SLC41A2: variants seen among roughly 807,000 people sequenced by gnomAD.
SLC41A2 encodes the protein SLC41A1-like 1.
Under a neutral mutation model 58.3 loss-of-function variants are expected in SLC41A2, and 32 were observed. The ratio of observed to expected loss-of-function variants is 0.55; its 90% CI spans 0.41 to 0.74. The LOEUF is 0.74. SLC41A2 is among the 30% of genes least tolerant of loss of function. The probability of loss-of-function intolerance (pLI) is 0.00; values close to 1 mark genes in which losing one functional copy is unlikely to be tolerated. For missense variants in SLC41A2, 514 were observed against 680.6 expected, an observed-to-expected ratio of 0.76 and a Z score of 2.72; for synonymous variants, 190 against 235.0, an observed-to-expected ratio of 0.81 and a Z score of 1.75.
At chr12:104,844,658 A>G in intron 9 of SLC41A2, 38 bp from the exon 10 acceptor site, 3 of 1,257,136 alleles carry the variant, frequency 2.4e-6, no homozygotes, top group Non-Finnish European at 2.1e-6. Context: ...AAACAAAATT[A>G]TATTTTGGTT....
Position 104,928,572 on chromosome 12 carries a change from G to T in SLC41A2, c.-45C>A. 3.9e-6 allele frequency: 5 copies of T among 1,277,040 alleles called. No individual in the cohort carries two copies. Among genetic ancestry groups the T allele is most frequent in the Non-Finnish European group, 5.2e-6 (5 of 961,446 alleles). The allele number at this position is 1,277,040 out of a possible 1,614,324, so 79.1% of individuals were successfully genotyped here. A position where few individuals can be genotyped will look rare whatever the true frequency, so the allele number is the denominator to read the frequency against. Reference sequence around the variant, plus strand: ...CTGTACTCCTTAGATCTCAAGCTTCGGGAACCACAGCAGATGAATCAGAAC... The same window carrying T: ...CTGTACTCCTTAGATCTCAAGCTTCTGGAACCACAGCAGATGAATCAGAAC... On this transcript the variant is annotated 5_prime_UTR_variant, in exon 2 of 11. Transcript: ENST00000258538.
At chr12:104,876,794 A>C (rs777119633) in intron 6 of SLC41A2, among the ~76,000 whole-genome samples, 11 of 152,216 alleles carry the variant, frequency 7.2e-5, no homozygotes, top group Admixed American at 3.9e-4. Flanking sequence ...TGCTAGATTC[A>C]TTTGGTCTAA....
Position 104,868,900 on chromosome 12 carries a change from C to T in SLC41A2, c.1028-2321G>A, listed in dbSNP as rs141424035. ...ATGCCAGACTCAAAAGGTCACATATCAAATGATTACTTTTACATACAAGCC... is the reference window on the plus strand; with the variant it reads ...ATGCCAGACTCAAAAGGTCACATATTAAATGATTACTTTTACATACAAGCC... On this transcript the variant is annotated intron_variant, in intron 6 of 10. Coordinates refer to ENST00000258538, the MANE Select transcript of SLC41A2 (RefSeq NM_001352171.3). Among the ~76,000 whole-genome samples, 221 of 152,058 alleles carry T rather than the reference C, an allele frequency of 1.5e-3. 1 individual carries two copies. The highest frequency in any genetic ancestry group is 5.1e-3 in the African/African-American group (211 of 41,454).
intron 8 of SLC41A2, 35 bp downstream of exon 8, chr12:104,861,256 T>C (rs374531137): frequency 7.6e-5 from 112 of 1,464,662 alleles, no homozygotes; most frequent in Non-Finnish European, 1.0e-4. Context: ...TACGAAGATT[T>C]GATATTATCA....
chr12:104,847,821 C>G (rs979200032), intron 8 of SLC41A2, among the ~76,000 whole-genome samples: 14 of 152,064 alleles, frequency 9.2e-5, no homozygotes, highest in Non-Finnish European at 2.1e-4. Context: ...AGAATAGCAT[C>G]ATTCAATGTC....
At chr12:104,860,813 G>A (rs540487304) in intron 8 of SLC41A2, among the ~76,000 whole-genome samples, 4 of 151,960 alleles carry the variant, frequency 2.6e-5, no homozygotes, top group African/African-American at 4.8e-5. Context: ...AACCTCAAGC[G>A]ACCCTCCTAC....
intron 1 of SLC41A2, among the ~76,000 whole-genome samples, chr12:104,942,854 C>T (rs542560138): frequency 2.6e-5 from 4 of 152,242 alleles, no homozygotes; most frequent in East Asian, 1.9e-4. Flanking sequence ...AATACCTACA[C>T]GAAATAATGA....
In SLC41A2 at chr12:104,892,305, ATAAAATAAAATAAAATAAAAT is replaced by A. The variant is rs1291982366; in HGVS notation, c.735+2948_735+2968del. 1.0e-3 allele frequency among the ~76,000 whole-genome samples: 145 copies of A among 138,568 alleles called. 10 individuals are homozygous for A. The highest frequency in any genetic ancestry group is 3.9e-3 in the African/African-American group (128 of 32,950). The allele number at this position is 138,568 out of a possible 152,430, so 90.9% of individuals were successfully genotyped here. ...AACAAGACCTCATCTCAAAAAAAAA[ATAAAATAAAATAAAATAAAAT>A]AAAATAAAATATTGATGCAAGAAAT... On this transcript the variant is annotated intron_variant, in intron 4 of 10. Transcript: ENST00000258538.
chr12:104,861,459 A>G, intron 7 of SLC41A2, 89 bp from the exon 8 acceptor site: 3 of 667,100 alleles, frequency 4.5e-6, no homozygotes, highest in Non-Finnish European at 7.3e-6. Context: ...CTCCTTTTTA[A>G]AATAAAATAT....
Position 104,928,234 on chromosome 12 carries a change from A to T in SLC41A2, c.294T>A (p.Asn98Lys), listed in dbSNP as rs1340423729. 2 of 1,614,058 alleles carry T rather than the reference A, an allele frequency of 1.2e-6. No homozygotes were observed. The highest frequency in any genetic ancestry group is 1.7e-5 in the Admixed American group (1 of 60,004). ...GGCTGCAGCTTGATGATGCGTGCCC[A>T]TTATTGGCATGAAAAGACTGCTCTG... ...SFSEQSFHAN[N>K]GHASSSCSQK... Residue 98 changes from asparagine (N) to lysine (K), a missense_variant, in exon 2 of 11, where the codon AAT becomes AAA. Asn to Lys is a moderately conservative substitution (Grantham distance 94). Coordinates refer to ENST00000258538, the MANE Select transcript of SLC41A2 (RefSeq NM_001352171.3).
chr12:104,903,070 A>C (rs1260717848), intron 3 of SLC41A2, among the ~76,000 whole-genome samples: 1 of 152,114 alleles, frequency 6.6e-6, no homozygotes, highest in Non-Finnish European at 1.5e-5. Flanking sequence ...GATGGCTCCT[A>C]GTGTTTAATT....
intron 6 of SLC41A2, among the ~76,000 whole-genome samples, chr12:104,883,940 T>C (rs2044520071): frequency 6.6e-6 from 1 of 152,222 alleles, no homozygotes; most frequent in Non-Finnish European, 1.5e-5. Flanking sequence ...ATGTCCTGCT[T>C]CCAGAGGTGG....
intron 1 of SLC41A2, among the ~76,000 whole-genome samples, chr12:104,947,884 T>A (rs990663686): frequency 6.6e-6 from 1 of 152,136 alleles, no homozygotes; most frequent in Non-Finnish European, 1.5e-5. Context: ...TAAACCAGAT[T>A]ATCTTAAATC....
chr12:104,813,673 T>A (rs1198254255), intron 10 of SLC41A2, among the ~76,000 whole-genome samples: 1 of 152,244 alleles, frequency 6.6e-6, no homozygotes, highest in African/African-American at 2.4e-5. Context: ...TCTCGTTCTG[T>A]TGTCCAGGCT....
chr12:104,853,910 G>GATTATTATT (rs1415342230), intron 8 of SLC41A2, among the ~76,000 whole-genome samples: 152 of 50,736 alleles, frequency 3.0e-3, no homozygotes, highest in Non-Finnish European at 4.8e-3. Flanking sequence ...ATGCCTGGCT[G>GATTATTATT]ATTTTTTTTT....
intron 1 of SLC41A2, among the ~76,000 whole-genome samples, chr12:104,949,684 A>G (rs1368827175): frequency 2.0e-5 from 3 of 152,152 alleles, no homozygotes; most frequent in Non-Finnish European, 2.9e-5. Context: ...CCTGGGTTCA[A>G]GCAATTCTCC....
At chr12:104,807,524 T>C (rs1270811794) in intron 10 of SLC41A2, among the ~76,000 whole-genome samples, 4 of 151,980 alleles carry the variant, frequency 2.6e-5, no homozygotes, top group Admixed American at 2.0e-4. Context: ...GTTCTTTTGG[T>C]TTAGGATTGA....
At chr12:104,939,758 A>C (rs972259065) in intron 1 of SLC41A2, among the ~76,000 whole-genome samples, 1 of 152,160 alleles carries the variant, frequency 6.6e-6, no homozygotes, top group African/African-American at 2.4e-5. Flanking sequence ...TAAAAGAAAA[A>C]GTTTTAATGC....
Position 104,866,408 on chromosome 12 carries a change from ACACAC to A in SLC41A2, c.1175+19_1175+23del. On this transcript the variant is annotated intron_variant, in intron 7 of 10. Transcript: ENST00000258538. ...CACACACACACACACACACACACAC[ACACAC>A]ACATATTTTAATACTAACCTACTTA... The A allele has an allele frequency of 6.2e-7, 1 of 1,601,718 alleles. No homozygotes were observed. The highest frequency in any genetic ancestry group is 8.5e-7 in the Non-Finnish European group (1 of 1,175,472).
Sources: allele counts gnomAD v4.1 joint callset (sites outside exome capture counted in the v4.1 genomes callset), GRCh38; gene constraint gnomAD v4.1.1; transcripts MANE v1.5; gene names NCBI Gene and HGNC (gene_info 2026-07-23, HGNC 2026-07-21).